The following BCAT1 variants were observed in gnomAD, a reference collection of about 807,000 sequenced individuals.
The protein encoded by BCAT1 is branched-chain-amino-acid aminotransferase, cytosolic.
A neutral mutation model predicts 52.4 loss-of-function variants in BCAT1; 48 were observed. The observed-to-expected ratio is 0.92, with a 90% CI of 0.73 to 1.16. BCAT1 has a LOEUF of 1.16. Among genes scored for constraint, BCAT1 ranks in the 50% most tolerant of loss-of-function variants. The pLI is 0.00. For synonymous variants in BCAT1, 167 were observed against 161.3 expected (o/e 1.04, Z -0.27); for missense variants, 451 against 457.1 (o/e 0.99, Z 0.12).
Position 24,824,183 on chromosome 12 carries a change from G to A in BCAT1, c.1119+5640C>T, listed in dbSNP as rs557798270. Among the ~76,000 whole-genome samples the A allele has an allele frequency of 7.9e-5, 12 of 152,022 alleles. No homozygotes were observed. The East Asian group carries it at 1.5e-3, about 20-fold the overall frequency. On this transcript the variant is annotated intron_variant, in intron 10 of 10. Transcript: ENST00000261192. ...CAATTTTTCTCAGCCTAGTGACTAC[G>A]TTTTCCTTTTCTATTAATCCTTTAC...
At position 24,920,918 on chromosome 12, in the gene BCAT1, A is replaced by C. The variant is rs1471809235; in HGVS notation, c.7-19033T>G. On this transcript the variant is annotated intron_variant, in intron 1 of 10. Coordinates refer to ENST00000261192, the MANE Select transcript of BCAT1 (RefSeq NM_005504.7). ...TCACTCAGGATATTTTTTAAAATAC[A>C]AATAAAAGCCAATGAAGAGATACAA... Among the ~76,000 whole-genome samples the C allele has an allele frequency of 2.0e-5, 3 of 152,340 alleles. No homozygotes were observed. In the East Asian group the frequency reaches 5.8e-4, roughly 29 times the overall value.
chr12:24,932,851 G>A (rs368658767), intron 1 of BCAT1, among the ~76,000 whole-genome samples: 10 of 151,978 alleles, frequency 6.6e-5, no homozygotes, highest in East Asian at 1.9e-4. Flanking sequence ...TCGCTCCGTC[G>A]CCCAGGCTGG....
Position 24,814,767 on chromosome 12 carries a change from T to C in BCAT1, c.*3241A>G, listed in dbSNP as rs1939812096. 6.6e-6 allele frequency: 1 copy of C among 151,672 alleles called. No homozygotes were observed. Among genetic ancestry groups the C allele is most frequent in the African/African-American group, 2.4e-5 (1 of 41,334 alleles). The allele number at this position is 151,672 out of a possible 1,614,324, so 9.4% of individuals were successfully genotyped here. On this transcript the variant is annotated 3_prime_UTR_variant, in exon 11 of 11. Coordinates refer to ENST00000261192, the MANE Select transcript of BCAT1 (RefSeq NM_005504.7). Reference sequence around the variant, plus strand: ...TTACCATCTAGCTGATGTTACGCTCTGCTTTCTTGCTACTGCCTGCCTCTG... The same window carrying C: ...TTACCATCTAGCTGATGTTACGCTCCGCTTTCTTGCTACTGCCTGCCTCTG...
chr12:24,909,939 G>T (rs1018232088), intron 1 of BCAT1, among the ~76,000 whole-genome samples: 1 of 152,130 alleles, frequency 6.6e-6, no homozygotes, highest in African/African-American at 2.4e-5. Flanking sequence ...CCTGTGAGTG[G>T]CTGTCTTAAA....
chr12:24,876,259 GT>G (rs1565476967), intron 5 of BCAT1, among the ~76,000 whole-genome samples: 1 of 50,346 alleles, frequency 2.0e-5, no homozygotes, highest in Non-Finnish European at 3.9e-5. Flanking sequence ...GGAGGGAGAT[GT>G]AAAAAAAAAA....
chr12:24,934,294 C>T (rs1943722009), intron 1 of BCAT1, among the ~76,000 whole-genome samples: 1 of 152,230 alleles, frequency 6.6e-6, no homozygotes, highest in Non-Finnish European at 1.5e-5. Flanking sequence ...TCTTCACCTT[C>T]TGCCATGATT....
At chr12:24,905,296 C>T (rs1432207085) in intron 1 of BCAT1, among the ~76,000 whole-genome samples, 1 of 152,138 alleles carries the variant, frequency 6.6e-6, no homozygotes, top group Non-Finnish European at 1.5e-5. Flanking sequence ...AATGAAGTTA[C>T]CAGGCAGATA....
Position 24,878,466 on chromosome 12 carries a change from AAAC to A in BCAT1, c.510+61_510+63del, listed in dbSNP as rs143550677. 3,232 of 1,460,030 alleles carry A rather than the reference AAAC, an allele frequency of 2.2e-3. 52 individuals carry two copies. In the African/African-American group the frequency reaches 0.041, roughly 18 times the overall value. 90.4% of individuals were successfully genotyped at this position (1,460,030 alleles called of 1,614,324 possible). On this transcript the variant is annotated intron_variant, in intron 5 of 10. Coordinates refer to ENST00000261192, the MANE Select transcript of BCAT1 (RefSeq NM_005504.7). ...CTGCAAACTATATGCTAGAAGTTTC[AAAC>A]AACAATAAACAATAATAACTTGCCC...
intron 1 of BCAT1, among the ~76,000 whole-genome samples, chr12:24,942,579 A>G (rs1335201960): frequency 6.6e-6 from 1 of 152,036 alleles, no homozygotes; most frequent in Non-Finnish European, 1.5e-5. Flanking sequence ...ACTTGGGCCA[A>G]ATATACACCC....
At chr12:24,946,917 T>C (rs1943940303) in intron 1 of BCAT1, among the ~76,000 whole-genome samples, 1 of 152,182 alleles carries the variant, frequency 6.6e-6, no homozygotes, top group South Asian at 2.1e-4. Flanking sequence ...GAAAAATATT[T>C]TTCCCCTTTT....
rs190192767 is a variant in BCAT1, at chr12:24,835,914, C to T, written c.903+597G>A. 2.3e-3 allele frequency among the ~76,000 whole-genome samples: 343 copies of T among 152,174 alleles called. 1 individual carries two copies. The highest frequency in any genetic ancestry group is 8.1e-3 in the African/African-American group (335 of 41,508). ...TCCACCAAATTGTTTAATATGCTTG[C>T]CTGTGTCACACGAATTTGAAAGTCT... On this transcript the variant is annotated intron_variant, in intron 8 of 10. Transcript: ENST00000261192.
intron 5 of BCAT1, among the ~76,000 whole-genome samples, chr12:24,862,370 C>A (rs1941868878): frequency 6.6e-6 from 1 of 152,204 alleles, no homozygotes; most frequent in Non-Finnish European, 1.5e-5. Context: ...TGGTATCAAC[C>A]ACCTGCCTGA....
At chr12:24,873,686 A>T (rs1252517481) in intron 5 of BCAT1, among the ~76,000 whole-genome samples, 1 of 152,142 alleles carries the variant, frequency 6.6e-6, no homozygotes, top group Non-Finnish European at 1.5e-5. Context: ...ATGCTTACCA[A>T]TTCAGCATCC....
At chr12:24,850,156 C>T (rs1481025612) in intron 5 of BCAT1, among the ~76,000 whole-genome samples, 2 of 152,142 alleles carry the variant, frequency 1.3e-5, no homozygotes, top group African/African-American at 4.8e-5. Context: ...TTTTGCTTTG[C>T]TTTCTGAGTT....
At chr12:24,825,457 T>C (rs1249891108) in intron 10 of BCAT1, among the ~76,000 whole-genome samples, 1 of 48,488 alleles carries the variant, frequency 2.1e-5, no homozygotes, top group Admixed American at 3.0e-4. Flanking sequence ...GCATCTGTTA[T>C]TGCCTGTTTT....
intron 1 of BCAT1, among the ~76,000 whole-genome samples, chr12:24,947,627 G>C (rs1943950880): frequency 6.6e-6 from 1 of 152,140 alleles, no homozygotes; most frequent in Non-Finnish European, 1.5e-5. Context: ...ACAGAAAAGA[G>C]ACTACTTGTA....
chr12:24,933,867 T>C (rs749438102), intron 1 of BCAT1, among the ~76,000 whole-genome samples: 16 of 152,182 alleles, frequency 1.1e-4, no homozygotes, highest in South Asian at 4.2e-4. Flanking sequence ...CTGATTTACA[T>C]AGGGCTCACA....
intron 1 of BCAT1, among the ~76,000 whole-genome samples, chr12:24,920,863 C>T (rs1356810421): frequency 6.6e-6 from 1 of 152,162 alleles, no homozygotes; most frequent in Non-Finnish European, 1.5e-5. Flanking sequence ...GTTCACAGAA[C>T]TGAGGAAGAC....
intron 7 of BCAT1, among the ~76,000 whole-genome samples, chr12:24,836,932 AAGAAAGAAAGAAAG>A (rs1940978212): frequency 8.2e-6 from 1 of 121,552 alleles, no homozygotes; most frequent in Non-Finnish European, 1.9e-5. Context: ...GAAAGAAAGA[AAGAAAGAAAGAAAG>A]AAAGAAAGAA....
Sources: gnomAD v4.1 joint callset for allele counts (sites outside exome capture counted in the v4.1 genomes callset) on GRCh38, gnomAD v4.1.1 for gene constraint, MANE v1.5 for transcripts, NCBI Gene and HGNC (gene_info 2026-07-23, HGNC 2026-07-21) for gene names.